CPAMD8: variants seen among roughly 807,000 people sequenced by gnomAD.
CPAMD8 encodes C3 and PZP-like alpha-2-macroglobulin domain-containing protein 8.
CPAMD8 carries 146 observed loss-of-function variants against 224.7 expected under a neutral mutation model. The observed-to-expected ratio is 0.65, with a 90% CI of 0.57 to 0.75. The LOEUF is 0.75. Among genes scored for constraint, CPAMD8 ranks in the 30% least tolerant of loss-of-function variants. The pLI, the probability that CPAMD8 is intolerant of heterozygous loss-of-function variation, is 0.00. For synonymous variants in CPAMD8, 966 were observed against 1,044.6 expected (o/e 0.92, Z 1.45); for missense variants, 2,301 against 2,537.5 (o/e 0.91, Z 2.00).
chr19:17,008,440 A>C, intron 7 of CPAMD8, 65 bp downstream of exon 7: 1 of 1,583,312 alleles, frequency 6.3e-7, no homozygotes, highest in African/African-American at 1.3e-5. Flanking sequence ...TGGACAGAGC[A>C]TATTCTGTTT....
chr19:16,948,571 A>G (rs1475952853), intron 20 of CPAMD8, among the ~76,000 whole-genome samples: 1 of 151,288 alleles, frequency 6.6e-6, no homozygotes, highest in East Asian at 1.9e-4. Flanking sequence ...ACATGAGGAA[A>G]CCCCATCTCT....
intron 30 of CPAMD8, among the ~76,000 whole-genome samples, chr19:16,906,224 A>G (rs534211021): frequency 1.6e-3 from 246 of 152,236 alleles, no homozygotes; most frequent in African/African-American, 5.6e-3. Context: ...CAACAAAGCA[A>G]TTGACAAGCA....
intron 1 of CPAMD8, 123 bp from the exon 2 acceptor site, chr19:17,022,304 C>CATTG: frequency 9.2e-7 from 1 of 1,091,524 alleles, no homozygotes. Context: ...ACCTGGCTGG[C>CATTG]ATTGATGCTC....
At chr19:16,981,111 G>A (rs112289427) in intron 13 of CPAMD8, among the ~76,000 whole-genome samples, 1 of 150,928 alleles carries the variant, frequency 6.6e-6, no homozygotes, top group Non-Finnish European at 1.5e-5. Context: ...CCAGCACTTT[G>A]GGGGGCTGAA....
Position 17,011,622 on chromosome 19 carries a change from C to T in CPAMD8, c.403G>A (p.Asp135Asn), listed in dbSNP as rs768315508. 3 of 1,614,188 alleles carry T rather than the reference C, an allele frequency of 1.9e-6. No individual in the cohort carries two copies. The highest frequency in any genetic ancestry group is 2.2e-5 in the East Asian group (1 of 44,880). ...GRGASVFIQT[D>N]KPVYRPQHRV... Reference sequence around the variant, plus strand: ...TGCTGGGGTCTGTACACAGGCTTGTCCGTCTGGATGAATACAGAAGCGCCC... The same window carrying T: ...TGCTGGGGTCTGTACACAGGCTTGTTCGTCTGGATGAATACAGAAGCGCCC... Residue 135 changes from aspartate to asparagine, a missense_variant, in exon 4 of 42, where the codon GAC (aspartate) becomes AAC (asparagine). By Grantham distance (23) the Asp-to-Asn change is conservative. Transcript: ENST00000443236.
intron 18 of CPAMD8, among the ~76,000 whole-genome samples, chr19:16,961,307 G>A (rs1450765222): frequency 2.0e-5 from 3 of 152,228 alleles, no homozygotes; most frequent in Non-Finnish European, 2.9e-5. Flanking sequence ...GGACACTCTC[G>A]CCCAAATACT....
intron 35 of CPAMD8, among the ~76,000 whole-genome samples, chr19:16,901,539 C>T (rs2052258207): frequency 6.6e-6 from 1 of 152,222 alleles, no homozygotes; most frequent in South Asian, 2.1e-4. Context: ...GACCAGGTCT[C>T]TTGACTAAGC....
At chr19:16,987,179 A>AATATATATATATATATATATATAT (rs775029154) in intron 13 of CPAMD8, among the ~76,000 whole-genome samples, 12 of 53,916 alleles carry the variant, frequency 2.2e-4, no homozygotes, top group African/African-American at 3.1e-4. Flanking sequence ...AAAAAAAAAA[A>AATATATATATATATATATATATAT]ATATATATAT....
rs8108234 is a variant in CPAMD8 at position 16,951,834 on chromosome 19, T to C, written c.2508+135A>G. On this transcript the variant is annotated intron_variant, in intron 20 of 41. Transcript: ENST00000443236. The stretch of plus-strand genomic sequence containing the variant: ...GCTGAGCCCACCCATCCCTGCCTCC[T>C]CAACATCATAGAGGCTCTCGCCCTC... 0.24 allele frequency: 153,199 copies of C among 627,424 alleles called. 21,909 individuals are homozygous for C. Among genetic ancestry groups the C allele is most frequent in the African/African-American group, 0.52 (27,494 of 52,482 alleles). 38.9% of individuals were successfully genotyped at this position (627,424 alleles called of 1,614,324 possible).
Position 16,925,228 on chromosome 19 carries a change from A to G in CPAMD8, c.3515T>C (p.Val1172Ala), listed in dbSNP as rs2045944890. ...LQKTQQLSPE[V>A]ERETTDYLVQ... ...TAGGTAGTCGGTGGTCTCTCTCTCC[A>G]CCTCAGGGCTGAGCTGCTGGGTTTT... The change falls in exon 26 of 42, where the codon GTG becomes GCG. Residue 1172 changes from valine (V) to alanine (A), a missense_variant. Around this residue, in one of 4 missense-constraint regions of CPAMD8, gnomAD observed 1,709 missense variants for 1,753.2 expected, o/e 0.97. Coordinates refer to ENST00000443236, the MANE Select transcript of CPAMD8 (RefSeq NM_015692.5). The G allele has an allele frequency of 1.9e-6, 3 of 1,613,976 alleles. No individual in the cohort carries two copies. Among genetic ancestry groups the G allele is most frequent in the African/African-American group, 1.3e-5 (1 of 74,970 alleles).
At chr19:16,921,449 G>T (rs2053170471) in intron 27 of CPAMD8, among the ~76,000 whole-genome samples, 2 of 151,990 alleles carry the variant, frequency 1.3e-5, no homozygotes, top group Admixed American at 1.3e-4. Flanking sequence ...GGCCCTCCCT[G>T]CCCTGGTCTC....
rs2052166006 is a variant in CPAMD8, at chr19:16,899,560, A to C, written c.4774-11T>G. 7.0e-7 allele frequency: 1 copy of C among 1,427,928 alleles called. No homozygotes were observed. The highest frequency in any genetic ancestry group is 2.3e-5 in the East Asian group (1 of 44,038). The allele number at this position is 1,427,928 out of a possible 1,614,324, so 88.5% of individuals were successfully genotyped here. On this transcript the variant is annotated splice_polypyrimidine_tract_variant and intron_variant, in intron 36 of 41. Coordinates refer to ENST00000443236, the MANE Select transcript of CPAMD8 (RefSeq NM_015692.5). This position sits in a 1 kb window ranked among gnomAD's most constrained non-coding sequence, Gnocchi z 5.4. ...CTTGTCAAGGAGCAGCTGCAGAGGAAGCCAGAAGTCAGGGTCCTCAGACTC... is the reference window on the plus strand; with the variant it reads ...CTTGTCAAGGAGCAGCTGCAGAGGACGCCAGAAGTCAGGGTCCTCAGACTC...
intron 12 of CPAMD8, among the ~76,000 whole-genome samples, chr19:16,991,174 C>T (rs1393944670): frequency 6.6e-6 from 1 of 152,156 alleles, no homozygotes; most frequent in Non-Finnish European, 1.5e-5. Flanking sequence ...GTGGGGATTA[C>T]ATATCCTGGT....
intron 20 of CPAMD8, among the ~76,000 whole-genome samples, chr19:16,947,732 C>T (rs367821407): frequency 2.6e-5 from 4 of 151,824 alleles, no homozygotes; most frequent in Admixed American, 2.0e-4. Flanking sequence ...TGGGTGCACA[C>T]TTGTGTGCAT....
chr19:16,903,701 C>T lies in CPAMD8; in HGVS notation c.4407+1G>A, dbSNP rs2144742294. The T allele has an allele frequency of 6.2e-7, 1 of 1,614,142 alleles. No individual in the cohort carries two copies. Among genetic ancestry groups the T allele is most frequent in the Non-Finnish European group, 8.5e-7 (1 of 1,179,996 alleles). On this transcript the variant is annotated splice_donor_variant, in intron 33 of 41. Coordinates refer to ENST00000443236, the MANE Select transcript of CPAMD8 (RefSeq NM_015692.5). LOFTEE classifies it high-confidence loss of function. Reference sequence around the variant, plus strand: ...CAAACCCTCATCCCAGGAACACGCACCGCTGCTGTCTGCAGAACCTTCTGG... The same window carrying T: ...CAAACCCTCATCCCAGGAACACGCATCGCTGCTGTCTGCAGAACCTTCTGG...
chr19:16,897,625 G>C, intron 39 of CPAMD8, 66 bp downstream of exon 39: 1 of 905,526 alleles, frequency 1.1e-6, no homozygotes, highest in South Asian at 1.7e-5. Flanking sequence ...CCTCCCTGGC[G>C]TCCGAGGGTG....
At chr19:16,923,395 G>C (rs10406934) in intron 26 of CPAMD8, among the ~76,000 whole-genome samples, 141 of 152,298 alleles carry the variant, frequency 9.3e-4, no homozygotes, top group African/African-American at 3.3e-3. Context: ...GCCAGACACA[G>C]CCTGTGAGGG....
At chr19:16,903,461 C>A in intron 34 of CPAMD8, 100 bp downstream of exon 34, 1 of 1,555,222 alleles carries the variant, frequency 6.4e-7, no homozygotes, top group Non-Finnish European at 8.8e-7. Flanking sequence ...CTGCTGAGTT[C>A]AGAACCCTCT....
At chr19:16,927,972 C>T (rs376713348) in intron 25 of CPAMD8, 37 bp downstream of exon 25, 17 of 1,494,508 alleles carry the variant, frequency 1.1e-5, no homozygotes, top group Middle Eastern at 1.8e-4. Context: ...GCTCTTGCCC[C>T]CTGACCTCTC....
Sources: gnomAD v4.1 joint callset for allele counts (sites outside exome capture counted in the v4.1 genomes callset) on GRCh38, gnomAD v4.1.1 for gene constraint, gnomAD v4.1.1 regional missense constraint, Gnocchi (gnomAD v3.1) non-coding constraint, MANE v1.5 for transcripts, NCBI Gene and HGNC (gene_info 2026-07-23, HGNC 2026-07-21) for gene names.